The following HYDIN variants were observed in gnomAD, a reference collection of about 807,000 sequenced individuals.
HYDIN encodes the protein axonemal central pair apparatus protein HYDIN.
HYDIN carries 132 observed loss-of-function variants against 403.9 expected under a neutral mutation model. The ratio of observed to expected loss-of-function variants is 0.33; its 90% CI spans 0.28 to 0.38. The LOEUF (loss-of-function observed/expected upper bound fraction) is 0.38. Among genes scored for constraint, HYDIN ranks in the 10% least tolerant of loss-of-function variants. The pLI is 1.00. For missense variants in HYDIN, 2,827 were observed against 5,009.5 expected (o/e 0.56, Z 13.15); for synonymous variants, 1,202 against 1,891.7 (o/e 0.64, Z 9.46).
chr16:70,830,644 G>T (rs1414986301), intron 80 of HYDIN, among the ~76,000 whole-genome samples: 1 of 148,156 alleles, frequency 6.7e-6, no homozygotes, highest in Non-Finnish European at 1.5e-5. Context: ...CACTGGGGAT[G>T]GTGGAAAGTG....
chr16:71,004,339 CTT>C (rs1008014223), intron 23 of HYDIN, among the ~76,000 whole-genome samples: 57 of 144,082 alleles, frequency 4.0e-4, no homozygotes, highest in Non-Finnish European at 7.2e-4. Flanking sequence ...AAAAGGAACT[CTT>C]GTTTTATTTT....
At position 70,914,305 on chromosome 16, in the gene HYDIN, T is replaced by C. The variant is rs572909926; in HGVS notation, c.8004+3906A>G. Among the ~76,000 whole-genome samples, 3 of 152,298 alleles carry C rather than the reference T, an allele frequency of 2.0e-5. 1 individual carries two copies. The highest frequency in any genetic ancestry group is 2.0e-4 in the Admixed American group (3 of 15,302). On this transcript the variant is annotated intron_variant, in intron 47 of 85. Transcript: ENST00000393567. ...ATTTGTTTCAAGATTTAGAGCTCCTTTTAGCAGTTCTTATAATACTGGCTT... is the reference window on the plus strand; with the variant it reads ...ATTTGTTTCAAGATTTAGAGCTCCTCTTAGCAGTTCTTATAATACTGGCTT...
At chr16:71,182,084 G>A (rs533090759) in intron 3 of HYDIN, among the ~76,000 whole-genome samples, 1 of 152,226 alleles carries the variant, frequency 6.6e-6, no homozygotes, top group Admixed American at 6.6e-5. Flanking sequence ...TCCTTCAGGT[G>A]GAAATTACCT....
intron 84 of HYDIN, among the ~76,000 whole-genome samples, chr16:70,811,813 C>T (rs552066220): frequency 1.3e-5 from 2 of 149,544 alleles, no homozygotes; most frequent in Non-Finnish European, 3.0e-5. Flanking sequence ...GCCGAGATCA[C>T]GCCATTGCAC....
At chr16:71,160,430 T>C (rs370498040) in intron 6 of HYDIN, among the ~76,000 whole-genome samples, 6,186 of 140,672 alleles carry the variant, frequency 0.044, 523 homozygotes, top group African/African-American at 0.16. Flanking sequence ...AGAAAAAGTG[T>C]GTATCTGAGT....
intron 8 of HYDIN, among the ~76,000 whole-genome samples, chr16:71,130,642 C>T (rs995752339): frequency 1.6e-4 from 24 of 151,450 alleles, no homozygotes; most frequent in Admixed American, 1.0e-3. Context: ...CGCCCGCCAC[C>T]GCGCCCGGCT....
At chr16:71,125,250 C>A (rs4788768) in intron 9 of HYDIN, among the ~76,000 whole-genome samples, 3 of 151,668 alleles carry the variant, frequency 2.0e-5, no homozygotes, top group Admixed American at 2.0e-4. Context: ...ATCTCCACAG[C>A]ACACTCACAA....
At chr16:70,892,654 G>A (rs1202185717) in intron 55 of HYDIN, 125 bp from the exon 56 acceptor site, 7 of 822,882 alleles carry the variant, frequency 8.5e-6, no homozygotes, top group Admixed American at 3.0e-5. Flanking sequence ...TACGTCCGGC[G>A]GAGTCCACTG....
At chr16:71,117,691 C>T in intron 9 of HYDIN, among the ~76,000 whole-genome samples, 1 of 151,976 alleles carries the variant, frequency 6.6e-6, no homozygotes, top group African/African-American at 2.4e-5. Flanking sequence ...GCTCCAGCTC[C>T]AGACAGTCCC....
In HYDIN at chr16:71,183,947, T is replaced by C. The variant is rs9922987; in HGVS notation, c.261+918A>G. Among the ~76,000 whole-genome samples the C allele has an allele frequency of 1.4e-3, 219 of 152,284 alleles. 1 individual carries two copies. Among genetic ancestry groups the C allele is most frequent in the African/African-American group, 4.5e-3 (187 of 41,584 alleles). ...ACTCCTCATAGCCTGTTATGTGTTA[T>C]GCTTTCAGAAAAGAGGAAATGGTCC... On this transcript the variant is annotated intron_variant, in intron 3 of 85. Transcript: ENST00000393567.
intron 1 of HYDIN, among the ~76,000 whole-genome samples, chr16:71,223,995 C>T (rs1271599406): frequency 6.6e-6 from 1 of 152,200 alleles, no homozygotes; most frequent in Non-Finnish European, 1.5e-5. Context: ...CATTCACATG[C>T]ATGTTTACAG....
chr16:71,027,555 A>G (rs2080753119), intron 20 of HYDIN, 47 bp downstream of exon 20: 1 of 1,612,516 alleles, frequency 6.2e-7, no homozygotes, highest in African/African-American at 1.3e-5. Context: ...TACAGTAGAG[A>G]TTTATTTAGG....
intron 65 of HYDIN, among the ~76,000 whole-genome samples, chr16:70,871,119 A>G (rs1446435773): frequency 6.6e-6 from 1 of 152,004 alleles, no homozygotes; most frequent in Non-Finnish European, 1.5e-5. Flanking sequence ...TTTGGCATAT[A>G]GTAAGCACTC....
chr16:70,894,399 C>T (rs866463425), intron 55 of HYDIN, 50 bp downstream of exon 55: 2 of 1,611,006 alleles, frequency 1.2e-6, no homozygotes, highest in Non-Finnish European at 1.7e-6. Context: ...TCCCCACATT[C>T]CTCCCCACGG....
At chr16:71,117,715 A>C (rs969050842) in intron 9 of HYDIN, among the ~76,000 whole-genome samples, 10 of 152,142 alleles carry the variant, frequency 6.6e-5, no homozygotes, top group Admixed American at 1.3e-4. Flanking sequence ...TGCATTCTCT[A>C]TTTGCAGTCT....
intron 85 of HYDIN, among the ~76,000 whole-genome samples, chr16:70,809,157 T>G (rs2143418847): frequency 6.6e-6 from 1 of 152,322 alleles, no homozygotes; most frequent in Admixed American, 6.5e-5. Context: ...TATAGCGATC[T>G]TCCCACCTGA....
chr16:71,010,424 C>T (rs151233681), intron 23 of HYDIN, among the ~76,000 whole-genome samples: 1,810 of 152,260 alleles, frequency 0.012, 39 homozygotes, highest in African/African-American at 0.04. Context: ...CCTGAAATGG[C>T]CTCAGACTGA....
Position 71,178,026 on chromosome 16 carries a change from AAGAC to A in HYDIN, c.381+898_381+901del, listed in dbSNP as rs2086741292. The stretch of plus-strand genomic sequence containing the variant: ...GAAGGCTATCTTCTACAGAAAGAAG[AAGAC>A]AGAAAAAAAGGAAAGGGACCTACAT... On this transcript the variant is annotated intron_variant, in intron 4 of 85. Transcript: ENST00000393567. Among the ~76,000 whole-genome samples, 7 of 152,358 alleles carry A rather than the reference AAGAC, an allele frequency of 4.6e-5. No individual in the cohort carries two copies. In the South Asian group the frequency reaches 1.4e-3, roughly 32 times the overall value.
intron 23 of HYDIN, among the ~76,000 whole-genome samples, chr16:70,999,937 CAGA>C (rs1241037447): frequency 6.6e-6 from 1 of 152,148 alleles, no homozygotes; most frequent in African/African-American, 2.4e-5. Context: ...TATAACGCTC[CAGA>C]AGGTGTCCCC....
Sources: allele counts gnomAD v4.1 joint callset (sites outside exome capture counted in the v4.1 genomes callset), GRCh38; gene constraint gnomAD v4.1.1; transcripts MANE v1.5; gene names NCBI Gene and HGNC (gene_info 2026-07-23, HGNC 2026-07-21).